Variants in DLGAP1 observed in about 807,000 individuals in gnomAD.
The protein encoded by DLGAP1 is disks large-associated protein 1.
A neutral mutation model predicts 90.8 loss-of-function variants in DLGAP1; 11 were observed. That is an observed-to-expected ratio of 0.12 (90% CI 0.08 to 0.20). The LOEUF (loss-of-function observed/expected upper bound fraction) is 0.20. DLGAP1 is among the 10% of genes least tolerant of loss of function. The pLI is 1.00. For synonymous variants in DLGAP1, 558 were observed against 540.7 expected (o/e 1.03, Z -0.44); for missense variants, 1,050 against 1,333.8 (o/e 0.79, Z 3.31).
intron 1 of DLGAP1, chr18:4,280,663 CA>C (rs1367533675): frequency 1.3e-5 from 2 of 152,212 alleles, no homozygotes; most frequent in East Asian, 3.8e-4. Context: ...GACTTTTCTA[CA>C]GTCTGATAAA....
chr18:3,710,290 T>G (rs970652602), intron 7 of DLGAP1, among the ~76,000 whole-genome samples: 10 of 152,298 alleles, frequency 6.6e-5, no homozygotes, highest in African/African-American at 2.4e-4. Context: ...GACTCAAGAC[T>G]CCTTGTGATA....
intron 3 of DLGAP1, among the ~76,000 whole-genome samples, chr18:3,952,753 T>C (rs1012589236): frequency 6.6e-6 from 1 of 152,204 alleles, no homozygotes; most frequent in African/African-American, 2.4e-5. Context: ...ATGAAAGATG[T>C]TAGAGGGTAC....
At chr18:4,243,287 C>A (rs74455497) in intron 1 of DLGAP1, among the ~76,000 whole-genome samples, 13 of 59,432 alleles carry the variant, frequency 2.2e-4, no homozygotes, top group Admixed American at 1.4e-3. Flanking sequence ...TGGAATATAA[C>A]AAGTACTCCT....
intron 1 of DLGAP1, among the ~76,000 whole-genome samples, chr18:4,420,723 T>G (rs189174281): frequency 6.6e-6 from 1 of 152,220 alleles, no homozygotes; most frequent in Admixed American, 6.5e-5. Flanking sequence ...GCTCTCTGGA[T>G]AGTTTATTGG....
intron 3 of DLGAP1, among the ~76,000 whole-genome samples, chr18:3,903,933 G>T (rs73940261): frequency 6.6e-6 from 1 of 152,152 alleles, no homozygotes; most frequent in Non-Finnish European, 1.5e-5. Context: ...CACTATCCTG[G>T]GGCTGAATAC....
intron 2 of DLGAP1, among the ~76,000 whole-genome samples, chr18:4,139,844 C>G (rs1022397977): frequency 2.6e-5 from 4 of 151,772 alleles, no homozygotes; most frequent in African/African-American, 9.7e-5. Context: ...TGAATTGAAC[C>G]CTTTATGATT....
At chr18:3,543,564 A>G (rs2052831499) in intron 9 of DLGAP1, among the ~76,000 whole-genome samples, 1 of 152,212 alleles carries the variant, frequency 6.6e-6, no homozygotes, top group South Asian at 2.1e-4. Context: ...GGCCAGATAA[A>G]ACCTATATGG....
intron 9 of DLGAP1, among the ~76,000 whole-genome samples, chr18:3,544,173 T>C (rs2052874513): frequency 6.6e-6 from 1 of 152,160 alleles, no homozygotes; most frequent in African/African-American, 2.4e-5. Context: ...GTGGATCACC[T>C]GAGGTCAGGA....
intron 7 of DLGAP1, among the ~76,000 whole-genome samples, chr18:3,590,050 A>G (rs1409635815): frequency 3.3e-5 from 5 of 152,150 alleles, no homozygotes; most frequent in African/African-American, 1.2e-4. Flanking sequence ...AGCTGGGATT[A>G]CAGGCATGTG....
At chr18:4,402,370 G>T (rs1008775736) in intron 1 of DLGAP1, among the ~76,000 whole-genome samples, 3 of 152,184 alleles carry the variant, frequency 2.0e-5, no homozygotes, top group African/African-American at 7.2e-5. Context: ...GTCAGAAACA[G>T]ATATCTCTAT....
chr18:3,574,971 C>T (rs1240071145), intron 8 of DLGAP1, among the ~76,000 whole-genome samples: 2 of 151,574 alleles, frequency 1.3e-5, no homozygotes, highest in South Asian at 2.1e-4. Context: ...CCCGCCACCA[C>T]GCCCAGCTAA....
intron 6 of DLGAP1, among the ~76,000 whole-genome samples, chr18:3,741,261 TCACCACCACCACATCACCATCACCACCAC>T (rs1568049902): frequency 5.3e-4 from 20 of 37,946 alleles, no homozygotes; most frequent in East Asian, 2.1e-3. Context: ...ACCACCACAA[TCACCACCACCACATCACCATCACCACCAC>T]CACCACCACC....
At chr18:3,853,146 A>T (rs1293632747) in intron 4 of DLGAP1, among the ~76,000 whole-genome samples, 2 of 152,112 alleles carry the variant, frequency 1.3e-5, no homozygotes, top group African/African-American at 2.4e-5. Context: ...TAAAATTTTA[A>T]ATTTTAATAT....
At chr18:3,934,351 G>T (rs1007459937) in intron 3 of DLGAP1, among the ~76,000 whole-genome samples, 2 of 152,178 alleles carry the variant, frequency 1.3e-5, no homozygotes, top group African/African-American at 4.8e-5. Flanking sequence ...GACTTGCAAA[G>T]ATGAGTTAAT....
intron 1 of DLGAP1, among the ~76,000 whole-genome samples, chr18:4,215,387 T>A (rs2077932081): frequency 6.6e-6 from 1 of 152,148 alleles, no homozygotes; most frequent in African/African-American, 2.4e-5. Flanking sequence ...ATTCCAAGAT[T>A]TTCATGAGAA....
At chr18:3,747,109 G>C (rs1437159895) in intron 5 of DLGAP1, among the ~76,000 whole-genome samples, 1 of 152,120 alleles carries the variant, frequency 6.6e-6, no homozygotes, top group Admixed American at 6.5e-5. Context: ...TGTAATCCTA[G>C]CACTTTGGGA....
intron 7 of DLGAP1, among the ~76,000 whole-genome samples, chr18:3,590,762 G>C (rs2056189781): frequency 6.6e-6 from 1 of 152,118 alleles, no homozygotes; most frequent in Non-Finnish European, 1.5e-5. Context: ...GGCTGAAGCA[G>C]GAGAATTGCT....
chr18:4,255,468 G>C (rs1887016358), intron 1 of DLGAP1, among the ~76,000 whole-genome samples: 3 of 147,026 alleles, frequency 2.0e-5, no homozygotes, highest in Admixed American at 2.0e-4. Flanking sequence ...CCAAAAGAGA[G>C]ATATACATAT....
At chr18:4,043,769 T>G (rs1335875658) in intron 2 of DLGAP1, among the ~76,000 whole-genome samples, 1 of 152,082 alleles carries the variant, frequency 6.6e-6, no homozygotes, top group Non-Finnish European at 1.5e-5. Flanking sequence ...GAGCAACGGG[T>G]ATCCTTCAAG....
Sources: gnomAD v4.1 joint callset for allele counts (sites outside exome capture counted in the v4.1 genomes callset) on GRCh38, gnomAD v4.1.1 for gene constraint, MANE v1.5 for transcripts, NCBI Gene and HGNC (gene_info 2026-07-23, HGNC 2026-07-21) for gene names.